The following PDHX variants were observed in gnomAD, a reference collection of about 807,000 sequenced individuals.
PDHX encodes the protein pyruvate dehydrogenase protein X component, mitochondrial.
In PDHX, 33 loss-of-function variants were observed where a neutral mutation model predicts 55.3. That is an observed-to-expected ratio of 0.60 (90% CI 0.45 to 0.80). The LOEUF (loss-of-function observed/expected upper bound fraction) is 0.80. PDHX is among the 30% of genes least tolerant of loss of function. The pLI, the probability that PDHX is intolerant of heterozygous loss-of-function variation, is 0.00. For missense variants in PDHX, 622 were observed against 619.9 expected (o/e 1.00, Z -0.04); for synonymous variants, 226 against 219.4 (o/e 1.03, Z -0.27).
At chr11:34,932,094 A>C (rs1245437527) in intron 2 of PDHX, among the ~76,000 whole-genome samples, 1 of 152,134 alleles carries the variant, frequency 6.6e-6, no homozygotes, top group Non-Finnish European at 1.5e-5. Flanking sequence ...ATAATAAAGG[A>C]AGACAATATT....
chr11:34,980,732 G>T (rs369646215), intron 8 of PDHX, among the ~76,000 whole-genome samples: 4 of 152,220 alleles, frequency 2.6e-5, no homozygotes, highest in African/African-American at 9.6e-5. Context: ...GGAAATGAGC[G>T]TAGCATGACA....
chr11:34,939,312 GA>G (rs1426870665), intron 2 of PDHX, among the ~76,000 whole-genome samples: 1 of 152,134 alleles, frequency 6.6e-6, no homozygotes, highest in African/African-American at 2.4e-5. Context: ...TATTTTTCAT[GA>G]AAAATGATAG....
chr11:34,973,515 T>C (rs1271837470), intron 7 of PDHX, among the ~76,000 whole-genome samples: 1 of 152,188 alleles, frequency 6.6e-6, no homozygotes, highest in Non-Finnish European at 1.5e-5. Flanking sequence ...CTTATTTTGT[T>C]ATCATTCTAT....
chr11:34,982,503 C>A (rs1349191111), intron 8 of PDHX, among the ~76,000 whole-genome samples: 1 of 151,648 alleles, frequency 6.6e-6, no homozygotes, highest in African/African-American at 2.4e-5. Context: ...TTGAAAAGAT[C>A]AACAAAATTG....
At chr11:34,926,369 A>G (rs1854020391) in intron 1 of PDHX, among the ~76,000 whole-genome samples, 1 of 152,208 alleles carries the variant, frequency 6.6e-6, no homozygotes, top group Admixed American at 6.5e-5. Flanking sequence ...TTAAATGAAC[A>G]GTCTCTCTCC....
chr11:34,966,859 T>C, intron 6 of PDHX, 45 bp downstream of exon 6: 2 of 831,924 alleles, frequency 2.4e-6, no homozygotes, highest in Non-Finnish European at 3.4e-6. Flanking sequence ...CTTGTTTTTC[T>C]TTTTTTTTTT....
intron 8 of PDHX, among the ~76,000 whole-genome samples, chr11:34,982,552 A>G (rs929621395): frequency 5.9e-5 from 9 of 152,136 alleles, no homozygotes; most frequent in Non-Finnish European, 1.2e-4. Flanking sequence ...GAAAAGAGAG[A>G]AGAATCAAAT....
At chr11:34,952,596 A>G (rs1854800944) in intron 3 of PDHX, among the ~76,000 whole-genome samples, 1 of 151,936 alleles carries the variant, frequency 6.6e-6, no homozygotes, top group Non-Finnish European at 1.5e-5. Context: ...AAACCACATG[A>G]TTATCTCAAT....
intron 3 of PDHX, among the ~76,000 whole-genome samples, chr11:34,948,041 A>C (rs1447303963): frequency 2.0e-5 from 3 of 152,204 alleles, no homozygotes; most frequent in Non-Finnish European, 2.9e-5. Flanking sequence ...TTCATGTTAT[A>C]TCTAAAAAGT....
chr11:34,945,158 A>C (rs1255244799), intron 2 of PDHX, among the ~76,000 whole-genome samples: 4 of 152,188 alleles, frequency 2.6e-5, no homozygotes, highest in African/African-American at 4.8e-5. Flanking sequence ...AAGGTGGTAA[A>C]AATAAAATTA....
At chr11:34,918,309 G>A (rs991533181) in intron 1 of PDHX, among the ~76,000 whole-genome samples, 4 of 151,662 alleles carry the variant, frequency 2.6e-5, no homozygotes, top group East Asian at 1.9e-4. Flanking sequence ...AAAGCCAGGC[G>A]TGCTGGCATC....
At chr11:34,916,044 G>A (rs1565143257), upstream of PDHX, 11 of 743,078 alleles carry the variant, frequency 1.5e-5, no homozygotes, top group South Asian at 1.7e-4. Flanking sequence ...CTGATCTCCT[G>A]GGGCCTCGCA....
chr11:34,947,607 G>GTA lies in PDHX; in HGVS notation c.342+2_342+3dup. 6.3e-7 allele frequency: 1 copy of GTA among 1,591,486 alleles called. No homozygotes were observed. Among genetic ancestry groups the GTA allele is most frequent in the Non-Finnish European group, 8.6e-7 (1 of 1,159,276 alleles). Reference sequence around the variant, plus strand: ...TGATGGAATCTTGGCCAAAATCGTGGTAAGTTTTTATTTTAATTTTCTTCA... The same window carrying GTA: ...TGATGGAATCTTGGCCAAAATCGTGGTATAAGTTTTTATTTTAATTTTCTTCA... On this transcript the variant is annotated splice_donor_variant, in intron 3 of 10. Coordinates refer to ENST00000227868, the MANE Select transcript of PDHX (RefSeq NM_003477.3). LOFTEE classifies it high-confidence loss of function.
At chr11:34,944,259 A>G (rs1328802811) in intron 2 of PDHX, among the ~76,000 whole-genome samples, 2 of 151,978 alleles carry the variant, frequency 1.3e-5, no homozygotes, top group African/African-American at 4.8e-5. Flanking sequence ...AGCTGGGACC[A>G]CAGGTGCCTG....
At chr11:34,978,250 C>A in intron 8 of PDHX, 68 bp downstream of exon 8, 1 of 880,548 alleles carries the variant, frequency 1.1e-6, no homozygotes, top group Non-Finnish European at 1.9e-6. Flanking sequence ...TTTACAATGA[C>A]AAATAGAACT....
intron 1 of PDHX, among the ~76,000 whole-genome samples, chr11:34,924,873 ATC>A (rs1181999885): frequency 6.6e-6 from 1 of 152,134 alleles, no homozygotes; most frequent in South Asian, 2.1e-4. Flanking sequence ...GCATTTGCCC[ATC>A]TCTCTGTTTC....
In PDHX at chr11:34,984,466, T is replaced by C. The variant is rs751554495; in HGVS notation, c.1024-104T>C. On this transcript the variant is annotated intron_variant, in intron 8 of 10. Coordinates refer to ENST00000227868, the MANE Select transcript of PDHX (RefSeq NM_003477.3). ...CGAAATTTTTATTTATTTTCTCTTA[T>C]CTAGCTATGTTCACTTTGGAAAATG... is the stretch of plus-strand genomic sequence containing the variant. The C allele has an allele frequency of 1.2e-5, 11 of 908,094 alleles. No homozygotes were observed. In the Admixed American group the frequency reaches 1.7e-4, roughly 14 times the overall value. The allele number at this position is 908,094 out of a possible 1,614,324, so 56.3% of individuals were successfully genotyped here.
At chr11:34,975,655 C>T (rs1855352169) in intron 7 of PDHX, among the ~76,000 whole-genome samples, 1 of 152,128 alleles carries the variant, frequency 6.6e-6, no homozygotes, top group Non-Finnish European at 1.5e-5. Context: ...CCTCTTTACT[C>T]CTGTACTCTG....
In PDHX at chr11:34,916,723, G is replaced by A. The variant is rs753030741; in HGVS notation, c.68G>A (p.Arg23His). The A allele has an allele frequency of 2.5e-6, 4 of 1,613,234 alleles. No homozygotes were observed. Among genetic ancestry groups the A allele is most frequent in the South Asian group, 1.1e-5 (1 of 91,024 alleles). The change falls in exon 1 of 11, where the codon CGC becomes CAC. Residue 23 changes from arginine to histidine, a missense_variant. By Grantham distance (29) the Arg-to-His change is conservative (BLOSUM62 0). Coordinates refer to ENST00000227868, the MANE Select transcript of PDHX (RefSeq NM_003477.3). ...CGTTATCTTGTGGGCTTCCCCGGCC[G>A]CCGAAGCGTAGGGCTGGTGAAGGGG... Reference protein sequence around the residue: ...LLRYLVGFPGRRSVGLVKGAL... With the variant: ...LLRYLVGFPGHRSVGLVKGAL...
Sources: allele counts gnomAD v4.1 joint callset (sites outside exome capture counted in the v4.1 genomes callset), GRCh38; gene constraint gnomAD v4.1.1; transcripts MANE v1.5; gene names NCBI Gene and HGNC (gene_info 2026-07-23, HGNC 2026-07-21).